ZNF385B: variants seen among roughly 807,000 people sequenced by gnomAD.
ZNF385B encodes zinc finger protein 385B, also known as zinc finger protein 533.
In ZNF385B, 23 loss-of-function variants were observed where a neutral mutation model predicts 39.2. The ratio of observed to expected loss-of-function variants is 0.59; its 90% CI spans 0.42 to 0.83. The LOEUF is 0.83. Among genes scored for constraint, ZNF385B ranks in the 40% least tolerant of loss-of-function variants. The pLI is 0.00. For synonymous variants in ZNF385B, 205 were observed against 222.6 expected (o/e 0.92, Z 0.70); for missense variants, 552 against 598.9 (o/e 0.92, Z 0.82).
At chr2:179,772,064 A>C (rs976920244) in intron 1 of ZNF385B, among the ~76,000 whole-genome samples, 1 of 152,164 alleles carries the variant, frequency 6.6e-6, no homozygotes, top group Non-Finnish European at 1.5e-5. Flanking sequence ...TCATAGACAC[A>C]AGACACACAT....
At chr2:179,667,491 C>G (rs1479209097) in intron 3 of ZNF385B, among the ~76,000 whole-genome samples, 2 of 152,174 alleles carry the variant, frequency 1.3e-5, no homozygotes, top group African/African-American at 4.8e-5. Context: ...AATCTAACCC[C>G]TTTTTGTACC....
intron 1 of ZNF385B, among the ~76,000 whole-genome samples, chr2:179,777,979 T>A (rs1433369204): frequency 6.6e-6 from 1 of 152,048 alleles, no homozygotes; most frequent in African/African-American, 2.4e-5. Flanking sequence ...CCATGTTGTC[T>A]GGGCTGGTCT....
intron 3 of ZNF385B, among the ~76,000 whole-genome samples, chr2:179,573,162 C>T (rs1014241431): frequency 2.6e-5 from 4 of 152,158 alleles, no homozygotes; most frequent in East Asian, 1.9e-4. Flanking sequence ...TTAGGAATGG[C>T]GAATTCATAT....
chr2:179,483,574 C>T, intron 5 of ZNF385B, 140 bp from the exon 6 acceptor site: 3 of 1,122,564 alleles, frequency 2.7e-6, no homozygotes, highest in Non-Finnish European at 3.8e-6. Flanking sequence ...TTTGGCACTT[C>T]ATGAAATGGT....
At chr2:179,628,681 G>A (rs573094439) in intron 3 of ZNF385B, among the ~76,000 whole-genome samples, 1 of 152,288 alleles carries the variant, frequency 6.6e-6, no homozygotes, top group East Asian at 1.9e-4. Flanking sequence ...TGTATGGGCA[G>A]TAATTGATGA....
chr2:179,683,091 G>C (rs1393921189), intron 3 of ZNF385B, among the ~76,000 whole-genome samples: 1 of 152,082 alleles, frequency 6.6e-6, no homozygotes, highest in Non-Finnish European at 1.5e-5. Flanking sequence ...ATAAAGTTAA[G>C]ATGAGAAACA....
intron 3 of ZNF385B, among the ~76,000 whole-genome samples, chr2:179,693,284 G>A (rs550317751): frequency 4.7e-4 from 72 of 152,252 alleles, no homozygotes; most frequent in Non-Finnish European, 9.3e-4. Context: ...CACCACACAT[G>A]TTCCTTTTGT....
At chr2:179,753,070 T>A (rs1205838326) in intron 3 of ZNF385B, among the ~76,000 whole-genome samples, 1 of 152,234 alleles carries the variant, frequency 6.6e-6, no homozygotes, top group Non-Finnish European at 1.5e-5. Context: ...GTTTTAGGTC[T>A]AACATTTAAG....
At chr2:179,700,095 C>CG (rs1699072511) in intron 3 of ZNF385B, among the ~76,000 whole-genome samples, 1 of 148,130 alleles carries the variant, frequency 6.8e-6, no homozygotes, top group African/African-American at 2.5e-5. Context: ...CAGATCTTGC[C>CG]AAAAAAAAAA....
intron 3 of ZNF385B, among the ~76,000 whole-genome samples, chr2:179,560,008 G>A (rs1398391746): frequency 6.6e-6 from 1 of 152,194 alleles, no homozygotes; most frequent in East Asian, 1.9e-4. Flanking sequence ...CTACATATAA[G>A]AGAGATCATG....
intron 3 of ZNF385B, among the ~76,000 whole-genome samples, chr2:179,565,364 A>G (rs1684437391): frequency 6.6e-6 from 1 of 152,204 alleles, no homozygotes; most frequent in Admixed American, 6.5e-5. Flanking sequence ...AATGCATGTA[A>G]ATTCTTACTA....
chr2:179,849,588 T>C (rs1490894650), intron 1 of ZNF385B, among the ~76,000 whole-genome samples: 3 of 152,196 alleles, frequency 2.0e-5, no homozygotes, highest in African/African-American at 7.2e-5. Flanking sequence ...GGTCCAGAAG[T>C]GAAAGAATAT....
At chr2:179,574,735 T>G (rs2106009353) in intron 3 of ZNF385B, among the ~76,000 whole-genome samples, 1 of 152,256 alleles carries the variant, frequency 6.6e-6, no homozygotes, top group East Asian at 1.9e-4. Context: ...CATTTATAAG[T>G]ATGGACACAA....
At chr2:179,751,356 T>A (rs1702662880) in intron 3 of ZNF385B, among the ~76,000 whole-genome samples, 1 of 152,100 alleles carries the variant, frequency 6.6e-6, no homozygotes, top group Non-Finnish European at 1.5e-5. Context: ...GTGAAGAAAC[T>A]ATCATACTTT....
At chr2:179,615,887 A>G (rs1239354992) in intron 3 of ZNF385B, among the ~76,000 whole-genome samples, 11 of 152,258 alleles carry the variant, frequency 7.2e-5, no homozygotes, top group Admixed American at 2.0e-4. Flanking sequence ...TGATGGGACC[A>G]AGAATGATCT....
At chr2:179,819,034 TACACACAC>T (rs10556902) in intron 1 of ZNF385B, among the ~76,000 whole-genome samples, 1,903 of 148,096 alleles carry the variant, frequency 0.013, 19 homozygotes, top group African/African-American at 0.028. Context: ...TGTTTATAAA[TACACACAC>T]ACACACACAC....
chr2:179,643,379 T>C lies in ZNF385B; in HGVS notation c.299-98410A>G, dbSNP rs183581674. Among the ~76,000 whole-genome samples the C allele has an allele frequency of 2.0e-5, 3 of 152,276 alleles. No individual in the cohort carries two copies. In the East Asian group the frequency reaches 5.8e-4, roughly 29 times the overall value. Reference sequence around the variant, plus strand: ...GTATCAAACATAGTTAAAAGATCCATTCAAAATGCAGACAGACCAATGCAT... The same window carrying C: ...GTATCAAACATAGTTAAAAGATCCACTCAAAATGCAGACAGACCAATGCAT... On this transcript the variant is annotated intron_variant, in intron 3 of 9. Coordinates refer to ENST00000410066, the MANE Select transcript of ZNF385B (RefSeq NM_152520.6).
chr2:179,637,446 A>T (rs935137404), intron 3 of ZNF385B: 3 of 151,972 alleles, frequency 2.0e-5, no homozygotes, highest in Non-Finnish European at 4.4e-5. Context: ...AAAAGTACTG[A>T]GATAGAGAAA....
At chr2:179,638,625 T>C (rs1300881808) in intron 3 of ZNF385B, among the ~76,000 whole-genome samples, 1 of 152,152 alleles carries the variant, frequency 6.6e-6, no homozygotes, top group Non-Finnish European at 1.5e-5. Context: ...CTGCTGTGTA[T>C]GTGTGTGTTC....
Sources: gnomAD v4.1 joint callset for allele counts (sites outside exome capture counted in the v4.1 genomes callset) on GRCh38, gnomAD v4.1.1 for gene constraint, MANE v1.5 for transcripts, NCBI Gene and HGNC (gene_info 2026-07-23, HGNC 2026-07-21) for gene names.